The following FAM227A variants were observed in gnomAD, a reference collection of about 807,000 sequenced individuals.
FAM227A encodes the protein family with sequence similarity 227 member A.
Under a neutral mutation model 74.7 loss-of-function variants are expected in FAM227A, and 80 were observed. That is an observed-to-expected ratio of 1.07 (90% CI 0.89 to 1.29). The LOEUF (loss-of-function observed/expected upper bound fraction) is 1.29, where lower values mean the gene tolerates loss of function less well. FAM227A is among the 50% of genes most tolerant of loss of function. The pLI is 0.00. For missense variants in FAM227A, 654 were observed against 683.4 expected (o/e 0.96, Z 0.48); for synonymous variants, 237 against 241.8 (o/e 0.98, Z 0.19).
At chr22:38,650,493 A>G (rs561244296) in intron 1 of FAM227A, among the ~76,000 whole-genome samples, 10 of 152,190 alleles carry the variant, frequency 6.6e-5, no homozygotes, top group East Asian at 5.8e-4. Flanking sequence ...CATGATGAAA[A>G]TTGTTCTAGT....
chr22:38,628,524 A>T (rs1053384915), intron 7 of FAM227A, among the ~76,000 whole-genome samples, 182 bp from the exon 8 acceptor site: 1 of 152,218 alleles, frequency 6.6e-6, no homozygotes, highest in Admixed American at 6.5e-5. Context: ...AAGCACGTAC[A>T]CAGAGGCAGA....
At chr22:38,648,060 A>G (rs2092268798) in intron 2 of FAM227A, among the ~76,000 whole-genome samples, 1 of 152,170 alleles carries the variant, frequency 6.6e-6, no homozygotes, top group Non-Finnish European at 1.5e-5. Flanking sequence ...TGAGCTCCAC[A>G]GGAGATGGAA....
intron 11 of FAM227A, among the ~76,000 whole-genome samples, chr22:38,610,436 A>AGGCAG (rs2091387824): frequency 1.3e-5 from 2 of 152,270 alleles, no homozygotes; most frequent in South Asian, 4.1e-4. Context: ...CTTGCTGGAG[A>AGGCAG]GGCAGCTTGC....
In FAM227A at chr22:38,582,615, A is replaced by G. The variant is rs925712522; in HGVS notation, c.*3510T>C. 5 of 722,238 alleles carry G rather than the reference A, an allele frequency of 6.9e-6. No homozygotes were observed. Among genetic ancestry groups the G allele is most frequent in the Admixed American group, 2.9e-5 (1 of 34,824 alleles). 44.7% of individuals were successfully genotyped at this position (722,238 alleles called of 1,614,324 possible). A position where few individuals can be genotyped will look rare whatever the true frequency, so the allele number is the denominator to read the frequency against. On this transcript the variant is annotated 3_prime_UTR_variant, in exon 17 of 17. Coordinates refer to ENST00000535113, the MANE Select transcript of FAM227A (RefSeq NM_001013647.2). ...AACATCCTGAGAGGCTACAACTCTG[A>G]GTCCTCAGTCATTTCTGGAAAGGGT...
At chr22:38,651,436 C>A (rs538704346) in intron 1 of FAM227A, among the ~76,000 whole-genome samples, 1 of 152,128 alleles carries the variant, frequency 6.6e-6, no homozygotes, top group Non-Finnish European at 1.5e-5. Flanking sequence ...TGCAGTGGCG[C>A]GATCTTGGCT....
rs183812076 is a variant in FAM227A at position 38,584,320 on chromosome 22, G to A, written c.*1805C>T. The A allele has an allele frequency of 1.5e-4, 23 of 152,206 alleles. No homozygotes were observed. Among genetic ancestry groups the A allele is most frequent in the African/African-American group, 5.3e-4 (22 of 41,504 alleles). 9.4% of individuals were successfully genotyped at this position (152,206 alleles called of 1,614,324 possible). ...TCCCCCCCAAGTCCGTTTCTTCCTA[G>A]GAGAAAATGGAGGTAACAATATCCA... On this transcript the variant is annotated 3_prime_UTR_variant, in exon 17 of 17. Transcript: ENST00000535113.
chr22:38,619,470 C>T (rs1051924393), intron 11 of FAM227A, among the ~76,000 whole-genome samples: 2 of 152,166 alleles, frequency 1.3e-5, no homozygotes, highest in African/African-American at 4.8e-5. Context: ...ACTACAGGTG[C>T]ATGGCACCAA....
intron 6 of FAM227A, among the ~76,000 whole-genome samples, chr22:38,635,073 G>A (rs912517566): frequency 5.9e-5 from 9 of 151,784 alleles, no homozygotes; most frequent in Admixed American, 3.9e-4. Flanking sequence ...TGAAACCCCC[G>A]TTTCTAATAA....
intron 11 of FAM227A, among the ~76,000 whole-genome samples, chr22:38,612,090 T>C (rs1292838150): frequency 6.6e-6 from 1 of 152,184 alleles, no homozygotes; most frequent in Non-Finnish European, 1.5e-5. Flanking sequence ...GTCTGTCTGC[T>C]TCTTGCCACC....
chr22:38,599,821 A>G lies in FAM227A; in HGVS notation c.1322T>C (p.Leu441Pro). Residue 441 changes from leucine to proline, a missense_variant, in exon 14 of 17, where the codon CTG becomes CCG. By Grantham distance (98) the Leu-to-Pro change is moderately conservative. Transcript: ENST00000535113. ...IVYFLQNYAS[L>P]QQHGKNVLIV... ...CAACACATTCTTGCCGTGCTGCTGCAGACTGGCATAGTTCTGGAGAAAGTA... is the reference window on the plus strand; with the variant it reads ...CAACACATTCTTGCCGTGCTGCTGCGGACTGGCATAGTTCTGGAGAAAGTA... 1 of 1,551,580 alleles carries G rather than the reference A, an allele frequency of 6.4e-7. No homozygotes were observed. The highest frequency in any genetic ancestry group is 8.7e-7 in the Non-Finnish European group (1 of 1,146,932).
intron 5 of FAM227A, among the ~76,000 whole-genome samples, chr22:38,636,938 T>C (rs567563504): frequency 2.4e-4 from 36 of 151,938 alleles, no homozygotes; most frequent in Admixed American, 3.9e-4. Context: ...GCCCAGCTAA[T>C]TTTTTGTATT....
intron 10 of FAM227A, among the ~76,000 whole-genome samples, chr22:38,620,853 GCAGA>G (rs1274539716): frequency 6.6e-6 from 1 of 151,822 alleles, no homozygotes; most frequent in Non-Finnish European, 1.5e-5. Flanking sequence ...TGTGCATAGG[GCAGA>G]CACTCAACCC....
chr22:38,604,307 A>T (rs2091237680), intron 13 of FAM227A, among the ~76,000 whole-genome samples: 1 of 152,198 alleles, frequency 6.6e-6, no homozygotes, highest in Non-Finnish European at 1.5e-5. Flanking sequence ...AGCCTGGGTG[A>T]CAGACTGAGA....
At chr22:38,620,106 A>T (rs1394179079) in intron 11 of FAM227A, 106 bp downstream of exon 11, 15 of 763,758 alleles carry the variant, frequency 2.0e-5, no homozygotes, top group Non-Finnish European at 3.1e-5. Flanking sequence ...GGCAAGGGGT[A>T]CAGAGATGTG....
rs1389666263 is a variant in FAM227A at position 38,584,038 on chromosome 22, CCT to C, written c.*2085_*2086del. ...CTGCTGGTCCTTTGGCAAACCAACC[CCT>C]GTGCCTGTGCCCCTCAGTGAAATAT... On this transcript the variant is annotated 3_prime_UTR_variant, in exon 17 of 17. Coordinates refer to ENST00000535113, the MANE Select transcript of FAM227A (RefSeq NM_001013647.2). The C allele has an allele frequency of 2.0e-5, 3 of 152,338 alleles. No individual in the cohort carries two copies. Among genetic ancestry groups the C allele is most frequent in the South Asian group, 2.1e-4 (1 of 4,832 alleles). The allele number at this position is 152,338 out of a possible 1,614,324, so 9.4% of individuals were successfully genotyped here. A position where few individuals can be genotyped will look rare whatever the true frequency, so the allele number is the denominator to read the frequency against.
In FAM227A at chr22:38,581,758, T is replaced by TC. The variant is rs942420761; in HGVS notation, c.*4366_*4367insG. On this transcript the variant is annotated 3_prime_UTR_variant, in exon 17 of 17. Transcript: ENST00000535113. ...CTGGCTCAGGTTTTTTTTTTTTTTT[T>TC]TCCCAGACACAGTCTTGCTCTATCA... is the stretch of plus-strand genomic sequence containing the variant. 2 of 151,600 alleles carry TC rather than the reference T, an allele frequency of 1.3e-5. No homozygotes were observed. Among genetic ancestry groups the TC allele is most frequent in the Non-Finnish European group, 2.9e-5 (2 of 67,996 alleles). The allele number at this position is 151,600 out of a possible 1,614,324, so 9.4% of individuals were successfully genotyped here.
At chr22:38,589,891 G>T (rs1042047370) in intron 16 of FAM227A, among the ~76,000 whole-genome samples, 55 of 151,980 alleles carry the variant, frequency 3.6e-4, no homozygotes, top group African/African-American at 1.3e-3. Context: ...GCTTCAGCTC[G>T]GGAGTTCGAG....
At chr22:38,626,865 C>CAA (rs67498232) in intron 8 of FAM227A, among the ~76,000 whole-genome samples, 327 of 16,724 alleles carry the variant, frequency 0.02, 53 homozygotes, top group African/African-American at 0.033. Context: ...GACTCTGTCT[C>CAA]AAAAAAAAAA....
intron 13 of FAM227A, among the ~76,000 whole-genome samples, chr22:38,603,149 C>T (rs533521801): frequency 6.6e-6 from 1 of 151,960 alleles, no homozygotes; most frequent in East Asian, 1.9e-4. Flanking sequence ...GTTTGGATTA[C>T]AGGTGTGAGC....
Sources: gnomAD v4.1 joint callset for allele counts (sites outside exome capture counted in the v4.1 genomes callset) on GRCh38, gnomAD v4.1.1 for gene constraint, MANE v1.5 for transcripts, NCBI Gene and HGNC (gene_info 2026-07-23, HGNC 2026-07-21) for gene names.